The following SH2D4A variants were observed in gnomAD, a reference collection of about 807,000 sequenced individuals.
SH2D4A encodes SH2 domain-containing protein 4A.
A neutral mutation model predicts 64.7 loss-of-function variants in SH2D4A; 70 were observed. The ratio of observed to expected loss-of-function variants is 1.08; its 90% CI spans 0.89 to 1.32. The LOEUF is 1.32. SH2D4A is among the 40% of genes most tolerant of loss of function. The pLI, the probability that SH2D4A is intolerant of heterozygous loss-of-function variation, is 0.00. For synonymous variants in SH2D4A, 268 were observed against 200.7 expected (o/e 1.34, Z -2.83); for missense variants, 706 against 540.1 (o/e 1.31, Z -3.04).
intron 8 of SH2D4A, among the ~76,000 whole-genome samples, chr8:19,389,294 C>T (rs1195555473): frequency 6.6e-6 from 1 of 152,158 alleles, no homozygotes; most frequent in East Asian, 1.9e-4. Context: ...AAATGTTTCC[C>T]CGGGGCCTTT....
At chr8:19,354,260 C>T (rs1298122187) in intron 4 of SH2D4A, among the ~76,000 whole-genome samples, 2 of 152,152 alleles carry the variant, frequency 1.3e-5, no homozygotes, top group Non-Finnish European at 2.9e-5. Flanking sequence ...CTTGGCCTCT[C>T]AAAGTGCTGG....
At chr8:19,361,439 A>G (rs1223372893) in intron 6 of SH2D4A, 125 bp downstream of exon 6, 2 of 941,204 alleles carry the variant, frequency 2.1e-6, no homozygotes, top group African/African-American at 1.7e-5. Context: ...GTAAGTTACC[A>G]CTCAAATGTT....
chr8:19,329,770 C>A (rs1433772236), intron 2 of SH2D4A, among the ~76,000 whole-genome samples: 4 of 152,308 alleles, frequency 2.6e-5, no homozygotes, highest in African/African-American at 9.6e-5. Context: ...TCTTACTCTC[C>A]CTTTGCCTGC....
At chr8:19,364,562 C>G (rs1262015454) in intron 7 of SH2D4A, among the ~76,000 whole-genome samples, 1 of 152,070 alleles carries the variant, frequency 6.6e-6, no homozygotes, top group Non-Finnish European at 1.5e-5. Context: ...TGTCCCTACC[C>G]CACTCTCCCC....
At chr8:19,387,351 A>G (rs1158491477) in intron 8 of SH2D4A, among the ~76,000 whole-genome samples, 1 of 136,336 alleles carries the variant, frequency 7.3e-6, no homozygotes, top group African/African-American at 2.9e-5. Flanking sequence ...CTTTGTAGAG[A>G]TGGGGTCTTG....
At chr8:19,355,812 C>G (rs1050176869) in intron 4 of SH2D4A, among the ~76,000 whole-genome samples, 1 of 152,184 alleles carries the variant, frequency 6.6e-6, no homozygotes, top group South Asian at 2.1e-4. Flanking sequence ...ATCTCACCAC[C>G]TATGATTAAT....
chr8:19,368,722 AAG>A (rs2053045095), intron 7 of SH2D4A, among the ~76,000 whole-genome samples: 2 of 151,306 alleles, frequency 1.3e-5, no homozygotes, highest in Middle Eastern at 3.4e-3. Context: ...TATCAGGACT[AAG>A]AGTTTTTTGG....
intron 1 of SH2D4A, among the ~76,000 whole-genome samples, chr8:19,317,303 A>ATTTTTTTTT (rs761621347): frequency 2.1e-5 from 2 of 97,382 alleles, no homozygotes; most frequent in African/African-American, 4.0e-5. Flanking sequence ...CAAGACATCC[A>ATTTTTTTTT]TTTTTTTTTT....
chr8:19,368,846 GTGCC>G (rs1185175990), intron 7 of SH2D4A, among the ~76,000 whole-genome samples: 2 of 151,926 alleles, frequency 1.3e-5, no homozygotes, highest in African/African-American at 4.8e-5. Context: ...ACTCATTCCT[GTGCC>G]TAGGACTTTC....
intron 5 of SH2D4A, 63 bp downstream of exon 5, chr8:19,357,346 C>A: frequency 8.7e-7 from 1 of 1,143,798 alleles, no homozygotes; most frequent in Non-Finnish European, 1.3e-6. Flanking sequence ...TAATGTTTCA[C>A]AGATTAGTTA....
chr8:19,373,955 G>GTGCT (rs1342545109), intron 8 of SH2D4A, among the ~76,000 whole-genome samples: 3 of 152,186 alleles, frequency 2.0e-5, no homozygotes, highest in Non-Finnish European at 4.4e-5. Flanking sequence ...TACCACTAGG[G>GTGCT]TGCTTGTTTG....
intron 7 of SH2D4A, among the ~76,000 whole-genome samples, chr8:19,366,264 C>A (rs945934214): frequency 6.6e-6 from 1 of 152,146 alleles, no homozygotes; most frequent in Non-Finnish European, 1.5e-5. Flanking sequence ...GTATAACTCA[C>A]ATATGAATCA....
chr8:19,377,578 T>A (rs982411379), intron 8 of SH2D4A, among the ~76,000 whole-genome samples: 1 of 152,218 alleles, frequency 6.6e-6, no homozygotes, highest in Non-Finnish European at 1.5e-5. Flanking sequence ...GTTACACATA[T>A]TGTTTTCCCC....
rs2052047742 is a variant in SH2D4A at position 19,314,287 on chromosome 8, G to A, written c.-205+464G>A. 2.6e-5 allele frequency among the ~76,000 whole-genome samples: 4 copies of A among 152,154 alleles called. No individual in the cohort carries two copies. In the South Asian group the frequency reaches 8.3e-4, roughly 32 times the overall value. ...AGACTCCTAGCAGGAGCACGTCCTC[G>A]ACTTGCGCATGGAAATCTTCCAGGA... On this transcript the variant is annotated intron_variant, in intron 1 of 9. Transcript: ENST00000265807.
At chr8:19,335,687 G>A (rs185308082) in intron 4 of SH2D4A, among the ~76,000 whole-genome samples, 3 of 152,200 alleles carry the variant, frequency 2.0e-5, no homozygotes, top group East Asian at 1.9e-4. Context: ...TTTTTGTTGC[G>A]GATTCTAAAC....
chr8:19,394,223 T>C (rs967024690), intron 9 of SH2D4A, among the ~76,000 whole-genome samples: 3 of 152,120 alleles, frequency 2.0e-5, no homozygotes, highest in African/African-American at 7.2e-5. Context: ...AGGGAGCAGA[T>C]GTAAATACAG....
intron 7 of SH2D4A, among the ~76,000 whole-genome samples, chr8:19,365,146 C>T (rs1043987762): frequency 1.3e-5 from 2 of 152,130 alleles, no homozygotes; most frequent in Non-Finnish European, 2.9e-5. Flanking sequence ...AAAAATAAGA[C>T]TCTTCTCCTG....
intron 9 of SH2D4A, 110 bp from the exon 10 acceptor site, chr8:19,394,439 CA>C (rs2053551936): frequency 1.4e-6 from 1 of 695,962 alleles, no homozygotes; most frequent in South Asian, 2.6e-5. Flanking sequence ...TCATAAACCA[CA>C]AAAGCTTTGT....
intron 6 of SH2D4A, 65 bp from the exon 7 acceptor site, chr8:19,364,007 T>C (rs2052939554): frequency 6.6e-7 from 1 of 1,516,330 alleles, no homozygotes; most frequent in Non-Finnish European, 9.1e-7. Context: ...GTGCAATGAA[T>C]GCTGAGCCTT....
Sources: gnomAD v4.1 joint callset for allele counts (sites outside exome capture counted in the v4.1 genomes callset) on GRCh38, gnomAD v4.1.1 for gene constraint, MANE v1.5 for transcripts, NCBI Gene and HGNC (gene_info 2026-07-23, HGNC 2026-07-21) for gene names.